Variants in FAHD2A observed in about 807,000 individuals in gnomAD.
FAHD2A encodes the protein fumarylacetoacetate hydrolase domain containing 2A, also known as oxaloacetate tautomerase FAHD2A, mitochondrial.
In FAHD2A, 27 loss-of-function variants were observed where a neutral mutation model predicts 33.4. That is an observed-to-expected ratio of 0.81 (90% CI 0.60 to 1.11). FAHD2A has a LOEUF of 1.11. Ranked by LOEUF, FAHD2A falls within the 50% of genes most tolerant of loss-of-function variation. FAHD2A has a pLI of 0.00. For synonymous variants in FAHD2A, 130 were observed against 153.3 expected (o/e 0.85, Z 1.12); for missense variants, 296 against 395.0 (o/e 0.75, Z 2.12).
rs186184075 is a variant in FAHD2A, at chr2:95,413,597, A to G, written c.*640A>G. ...GCCATGGAAGATGGGCCGTGAGTGCACTCACCACAGGGACTGTGTCCACAT... is the reference window on the plus strand; with the variant it reads ...GCCATGGAAGATGGGCCGTGAGTGCGCTCACCACAGGGACTGTGTCCACAT... On this transcript the variant is annotated 3_prime_UTR_variant, in exon 8 of 8. Transcript: ENST00000233379. 2.4e-4 allele frequency: 374 copies of G among 1,528,780 alleles called. No homozygotes were observed. The highest frequency in any genetic ancestry group is 2.1e-4 in the Non-Finnish European group (234 of 1,139,158). The allele number at this position is 1,528,780 out of a possible 1,614,324, so 94.7% of individuals were successfully genotyped here. A position where few individuals can be genotyped will look rare whatever the true frequency, so the allele number is the denominator to read the frequency against.
chr2:95,413,543 C>A lies in FAHD2A; in HGVS notation c.*586C>A. The A allele has an allele frequency of 6.3e-7, 1 of 1,593,516 alleles. No homozygotes were observed. The highest frequency in any genetic ancestry group is 2.2e-5 in the East Asian group (1 of 44,640). Reference sequence around the variant, plus strand: ...GGGGACAGGTGGAGCCTGGGGCCTGCAGGGCTCGGCGTCTGCTGCAGAACC... The same window carrying A: ...GGGGACAGGTGGAGCCTGGGGCCTGAAGGGCTCGGCGTCTGCTGCAGAACC... On this transcript the variant is annotated 3_prime_UTR_variant, in exon 8 of 8. Coordinates refer to ENST00000233379, the MANE Select transcript of FAHD2A (RefSeq NM_016044.3).
rs376463411 is a variant in FAHD2A at position 95,412,472 on chromosome 2, G to A, written c.724G>A (p.Glu242Lys). The A allele has an allele frequency of 1.7e-5, 27 of 1,613,828 alleles. No individual in the cohort carries two copies. The highest frequency in any genetic ancestry group is 1.9e-5 in the Non-Finnish European group (23 of 1,179,874). ...NLKICCRVNG[E>K]VVQSGNTNQM... is the part of the protein sequence containing the mutation. ...AAAGATCTGCTGCCGAGTGAATGGG[G>A]AAGTGGTCCAGAGCGGCAACACCAA... Residue 242 changes from glutamate (E) to lysine (K), a missense_variant, in exon 6 of 8, where the codon GAA becomes AAA. Coordinates refer to ENST00000233379, the MANE Select transcript of FAHD2A (RefSeq NM_016044.3).
rs2104386507 is a variant in FAHD2A, at chr2:95,415,252, AG to A, written c.*2297del. ...TCCATGTCCACCAAGCACTGCATGTAGGACAGGGCACAGTTTGGAGGCCTTG... is the reference window on the plus strand; with the variant it reads ...TCCATGTCCACCAAGCACTGCATGTAGACAGGGCACAGTTTGGAGGCCTTG... On this transcript the variant is annotated 3_prime_UTR_variant, in exon 8 of 8. Transcript: ENST00000233379. 1.3e-5 allele frequency: 2 copies of A among 152,278 alleles called. No individual in the cohort carries two copies. The highest frequency in any genetic ancestry group is 3.9e-4 in the East Asian group (2 of 5,174). 9.4% of individuals were successfully genotyped at this position (152,278 alleles called of 1,614,324 possible).
downstream of FAHD2A, among the ~76,000 whole-genome samples, chr2:95,419,171 C>T (rs1301380729): frequency 1.3e-5 from 2 of 152,080 alleles, no homozygotes; most frequent in Non-Finnish European, 2.9e-5. Flanking sequence ...AGAATGAATT[C>T]CTGTTGTCTG....
Position 95,407,273 on chromosome 2 carries a change from C to A in FAHD2A, c.462+116C>A, listed in dbSNP as rs796654435. The A allele has an allele frequency of 3.6e-5, 53 of 1,468,808 alleles. No homozygotes were observed. In the African/African-American group the frequency reaches 6.3e-4, roughly 17 times the overall value. 91.0% of individuals were successfully genotyped at this position (1,468,808 alleles called of 1,614,324 possible). On this transcript the variant is annotated intron_variant, in intron 3 of 7. Coordinates refer to ENST00000233379, the MANE Select transcript of FAHD2A (RefSeq NM_016044.3). ...CTCAATAGCGCATTCAGCAGAAACT[C>A]TACAGGATTGTACACACAGTAGTAA...
rs1682159858 is a variant in FAHD2A, at chr2:95,409,632, G to A, written c.463-895G>A. The stretch of plus-strand genomic sequence containing the variant: ...ACAAGATCAATGACTTCTCAATCAT[G>A]CCTTCTGTTTTTATTGGCTGGCATT... On this transcript the variant is annotated intron_variant, in intron 3 of 7. Transcript: ENST00000233379. Among the ~76,000 whole-genome samples the A allele has an allele frequency of 3.3e-5, 5 of 152,286 alleles. No individual in the cohort carries two copies. In the South Asian group the frequency reaches 1.0e-3, roughly 32 times the overall value.
At position 95,412,511 on chromosome 2, in the gene FAHD2A, AAGAC is replaced by A. The variant is rs777245259; in HGVS notation, c.767_770del (p.Thr256ArgfsTer3). On this transcript the variant is annotated frameshift_variant, in exon 6 of 8. Transcript: ENST00000233379. LOFTEE classifies it high-confidence loss of function. ...CGGCAACACCAACCAGATGGTATTC[AAGAC>A]AGAGGACCTGATAGCCTGGGTCTCC... 3 of 1,613,852 alleles carry A rather than the reference AAGAC, an allele frequency of 1.9e-6. No homozygotes were observed. The African/African-American group carries it at 4.0e-5, about 22-fold the overall frequency.
At position 95,405,200 on chromosome 2, in the gene FAHD2A, G is replaced by C. The variant is rs144772185; in HGVS notation, c.-6-353G>C. On this transcript the variant is annotated intron_variant, in intron 1 of 7. Transcript: ENST00000233379. ...GTCCTGATAGCTGAATCTTACGTCA[G>C]TTGTTAACATCTGTGACCTGTGCAG... 5.0e-3 allele frequency: 1,022 copies of C among 203,570 alleles called. 10 individuals carry two copies. The highest frequency in any genetic ancestry group is 0.021 in the African/African-American group (942 of 43,874). 12.6% of individuals were successfully genotyped at this position (203,570 alleles called of 1,614,324 possible).
chr2:95,411,486 A>G (rs900394450), intron 5 of FAHD2A, among the ~76,000 whole-genome samples: 1 of 152,250 alleles, frequency 6.6e-6, no homozygotes, highest in Non-Finnish European at 1.5e-5. Context: ...AGTGCCCCAG[A>G]GGGCAGAGCG....
In FAHD2A at chr2:95,414,365, A is replaced by T. The variant is rs756249914; in HGVS notation, c.*1408A>T. 2.4e-5 allele frequency: 17 copies of T among 704,652 alleles called. No individual in the cohort carries two copies. Among genetic ancestry groups the T allele is most frequent in the Non-Finnish European group, 4.1e-5 (16 of 390,032 alleles). 43.6% of individuals were successfully genotyped at this position (704,652 alleles called of 1,614,324 possible). A position where few individuals can be genotyped will look rare whatever the true frequency, so the allele number is the denominator to read the frequency against. ...TGCTGGGTGGATATAGAGTATGAAG[A>T]TGTGGAGCTGGGAAAACAGAGGATG... is the stretch of plus-strand genomic sequence containing the variant. On this transcript the variant is annotated 3_prime_UTR_variant, in exon 8 of 8. Transcript: ENST00000233379.
In FAHD2A at chr2:95,414,063, A is replaced by C. The variant is rs578207920; in HGVS notation, c.*1106A>C. ...GGCTCTAGGTAGGGAGGACAGGGAG[A>C]CACTGGGCACAGGCTTCTCTCCTCT... On this transcript the variant is annotated 3_prime_UTR_variant, in exon 8 of 8. Transcript: ENST00000233379. 41 of 1,410,920 alleles carry C rather than the reference A, an allele frequency of 2.9e-5. No homozygotes were observed. In the East Asian group the frequency reaches 5.2e-4, roughly 18 times the overall value. The allele number at this position is 1,410,920 out of a possible 1,614,324, so 87.4% of individuals were successfully genotyped here. A position where few individuals can be genotyped will look rare whatever the true frequency, so the allele number is the denominator to read the frequency against.
intron 5 of FAHD2A, among the ~76,000 whole-genome samples, chr2:95,411,383 C>T (rs1181465361): frequency 6.6e-6 from 1 of 152,270 alleles, no homozygotes; most frequent in African/African-American, 2.4e-5. Flanking sequence ...TTCCACACTA[C>T]AGGAGATGAA....
intron 3 of FAHD2A, among the ~76,000 whole-genome samples, chr2:95,409,678 C>T (rs1460454391): frequency 1.3e-5 from 2 of 152,186 alleles, no homozygotes; most frequent in Non-Finnish European, 2.9e-5. Context: ...GAAAAGCTGC[C>T]TCCCTCCTTT....
downstream of FAHD2A, among the ~76,000 whole-genome samples, chr2:95,419,206 G>GT: frequency 6.6e-6 from 1 of 152,214 alleles, no homozygotes; most frequent in Admixed American, 6.5e-5. Context: ...GTGGGACTTA[G>GT]TTATGGCACC....
chr2:95,418,011 G>A (rs180747039), downstream of FAHD2A, among the ~76,000 whole-genome samples: 2 of 152,160 alleles, frequency 1.3e-5, no homozygotes, highest in East Asian at 3.9e-4. Flanking sequence ...TATCTCAGAC[G>A]ATAGAATCGA....
intron 2 of FAHD2A, 151 bp from the exon 3 acceptor site, chr2:95,406,790 C>T: frequency 7.1e-7 from 1 of 1,416,922 alleles, no homozygotes; most frequent in South Asian, 1.5e-5. Flanking sequence ...GGACAATAGT[C>T]AGTGATTTTC....
rs767751251 is a variant in FAHD2A at position 95,405,782 on chromosome 2, C to G, written c.224C>G (p.Ala75Gly). 34 of 1,613,126 alleles carry G rather than the reference C, an allele frequency of 2.1e-5. No individual in the cohort carries two copies. The highest frequency in any genetic ancestry group is 2.3e-5 in the Non-Finnish European group (27 of 1,179,688). ...ACGCAGTTCCTAGAGCAGGGAGAGG[C>G]CACCCTCTCAGTGGCAAGAAGGTAA... is the stretch of plus-strand genomic sequence containing the variant. ...TMTQFLEQGE[A>G]TLSVARRALA... The change falls in exon 2 of 8, where the codon GCC (alanine) becomes GGC (glycine). Residue 75 changes from alanine (A) to glycine (G), a missense_variant. Transcript: ENST00000233379.
intron 5 of FAHD2A, among the ~76,000 whole-genome samples, chr2:95,411,303 T>G (rs368426977): frequency 6.6e-6 from 1 of 152,356 alleles, no homozygotes; most frequent in Non-Finnish European, 1.5e-5. Context: ...TCGGGCTTCC[T>G]GCGGCTGCCA....
Position 95,413,163 on chromosome 2 carries a change from C to T in FAHD2A, c.*206C>T, listed in dbSNP as rs1682809474. 2 of 1,076,598 alleles carry T rather than the reference C, an allele frequency of 1.9e-6. No homozygotes were observed. The highest frequency in any genetic ancestry group is 2.6e-6 in the Non-Finnish European group (2 of 758,920). 66.7% of individuals were successfully genotyped at this position (1,076,598 alleles called of 1,614,324 possible). The stretch of plus-strand genomic sequence containing the variant: ...CTTCTGCTGTTTGTCTTCTTTTGGG[C>T]TTTGTTTCATGGGACAAGTTGGGGC... On this transcript the variant is annotated 3_prime_UTR_variant, in exon 8 of 8. Coordinates refer to ENST00000233379, the MANE Select transcript of FAHD2A (RefSeq NM_016044.3).
Sources: allele counts gnomAD v4.1 joint callset (sites outside exome capture counted in the v4.1 genomes callset), GRCh38; gene constraint gnomAD v4.1.1; transcripts MANE v1.5; gene names NCBI Gene and HGNC (gene_info 2026-07-23, HGNC 2026-07-21).